Variants in AASS observed in about 807,000 individuals in gnomAD.
AASS encodes the protein alpha-aminoadipic semialdehyde synthase, mitochondrial.
A neutral mutation model predicts 105.4 loss-of-function variants in AASS; 86 were observed. That is an observed-to-expected ratio of 0.82 (90% CI 0.69 to 0.98). AASS has a LOEUF of 0.98. Ranked by LOEUF, AASS falls within the 50% of genes least tolerant of loss-of-function variation. The pLI, the probability that AASS is intolerant of heterozygous loss-of-function variation, is 0.00. For missense variants in AASS, 1,048 were observed against 1,143.2 expected, an observed-to-expected ratio of 0.92 and a Z score of 1.20; for synonymous variants, 381 against 394.8, an observed-to-expected ratio of 0.96 and a Z score of 0.41.
intron 23 of AASS, 35 bp from the exon 24 acceptor site, chr7:122,076,642 A>G (rs1477145879): frequency 4.2e-6 from 6 of 1,444,772 alleles, no homozygotes; most frequent in Non-Finnish European, 4.9e-6. Context: ...ACCATTTCAA[A>G]GGTTGTGTCA....
intron 11 of AASS, among the ~76,000 whole-genome samples, chr7:122,107,559 T>C (rs1794722984): frequency 6.6e-6 from 1 of 152,180 alleles, no homozygotes. Flanking sequence ...CATGGAATAC[T>C]ATGAAGCCAT....
At position 122,075,081 on chromosome 7, in the gene AASS, T is replaced by C. The variant is rs1792939407; in HGVS notation, c.*1408A>G. Among the ~76,000 whole-genome samples, 1 of 152,178 alleles carries C rather than the reference T, an allele frequency of 6.6e-6. No individual in the cohort carries two copies. The highest frequency in any genetic ancestry group is 1.5e-5 in the Non-Finnish European group (1 of 68,034). On this transcript the variant is annotated 3_prime_UTR_variant, in exon 24 of 24. Coordinates refer to ENST00000417368, the MANE Select transcript of AASS (RefSeq NM_005763.4). ...TGTTTTTGTAGAGATGGGATCTCAC[T>C]GTTTCCCAGGCTGGTCTCCTGGCCT...
intron 1 of AASS, among the ~76,000 whole-genome samples, chr7:122,135,782 T>C (rs1193356018): frequency 6.6e-6 from 1 of 152,086 alleles, no homozygotes; most frequent in African/African-American, 2.4e-5. Flanking sequence ...TAGAATACGG[T>C]GGAAATAATA....
rs755934374 is a variant in AASS at position 122,113,676 on chromosome 7, A to G, written c.1088T>C (p.Ile363Thr). The G allele has an allele frequency of 6.2e-7, 1 of 1,613,682 alleles. No individual in the cohort carries two copies. Among genetic ancestry groups the G allele is most frequent in the Non-Finnish European group, 8.5e-7 (1 of 1,179,882 alleles). ...TGTTGTACACTCAGTCATAAACTCT[A>G]TAGACCCTCCTGTGTCAGCTGAAAT... Reference protein sequence around the residue: ...CDISADTGGSIEFMTECTTIE... With the variant: ...CDISADTGGSTEFMTECTTIE... Residue 363 changes from isoleucine (I) to threonine (T), a missense_variant, in exon 10 of 24, where the codon ATA becomes ACA. Physicochemically the swap from Ile to Thr is moderately conservative, Grantham distance 89. Coordinates refer to ENST00000417368, the MANE Select transcript of AASS (RefSeq NM_005763.4).
chr7:122,113,498 T>C, intron 10 of AASS, 100 bp downstream of exon 10: 1 of 1,496,548 alleles, frequency 6.7e-7, no homozygotes, highest in Non-Finnish European at 9.2e-7. Context: ...TCTCTCCAAA[T>C]TTTCATAACT....
chr7:122,086,115 C>A lies in AASS; in HGVS notation c.2081G>T (p.Gly694Val), dbSNP rs769432627. 3 of 1,613,454 alleles carry A rather than the reference C, an allele frequency of 1.9e-6. No homozygotes were observed. The highest frequency in any genetic ancestry group is 3.3e-5 in the Admixed American group (2 of 59,854). Residue 694 changes from glycine to valine, a missense_variant, in exon 19 of 24, where the codon GGA (glycine) becomes GTA (valine). Coordinates refer to ENST00000417368, the MANE Select transcript of AASS (RefSeq NM_005763.4). ...GTTAGGATAGCCTTCCAAATTTAAT[C>A]CTGGAAAAAAATCCATGGACGTAAC... ...DAVTSMDFFPGLNLEGYPNRD... is the reference protein window; with the variant it reads ...DAVTSMDFFPVLNLEGYPNRD...
At chr7:122,141,260 A>T (rs1249925907) in intron 1 of AASS, among the ~76,000 whole-genome samples, 1 of 152,218 alleles carries the variant, frequency 6.6e-6, no homozygotes, top group Non-Finnish European at 1.5e-5. Flanking sequence ...AGTGTTAACT[A>T]ATCTGGTCTG....
chr7:122,110,668 T>C (rs190181607), intron 11 of AASS, among the ~76,000 whole-genome samples: 2 of 151,958 alleles, frequency 1.3e-5, no homozygotes, highest in East Asian at 3.9e-4. Context: ...AAAGACCTTA[T>C]AATAAAATAA....
At chr7:122,123,665 C>A (rs1258888501) in intron 4 of AASS, among the ~76,000 whole-genome samples, 7 of 152,174 alleles carry the variant, frequency 4.6e-5, no homozygotes, top group Admixed American at 1.3e-4. Flanking sequence ...TACTTCCTTT[C>A]TCCCCTTTCC....
intron 11 of AASS, among the ~76,000 whole-genome samples, chr7:122,111,057 T>G (rs1325903879): frequency 2.0e-5 from 3 of 152,100 alleles, no homozygotes; most frequent in Non-Finnish European, 1.5e-5. Flanking sequence ...AATCCAGAAT[T>G]ATTCAGTCTA....
At chr7:122,127,107 C>T (rs1372018600) in intron 3 of AASS, among the ~76,000 whole-genome samples, 1 of 152,036 alleles carries the variant, frequency 6.6e-6, no homozygotes, top group African/African-American at 2.4e-5. Context: ...GGTAACCTTC[C>T]TATTAAAAGT....
At chr7:122,112,174 GA>G (rs937339844) in intron 11 of AASS, among the ~76,000 whole-genome samples, 1 of 152,168 alleles carries the variant, frequency 6.6e-6, no homozygotes. Context: ...TGGATTTAAT[GA>G]TGGTAAAATG....
chr7:122,119,088 G>A (rs958391394), intron 4 of AASS, among the ~76,000 whole-genome samples: 1 of 152,088 alleles, frequency 6.6e-6, no homozygotes, highest in Non-Finnish European at 1.5e-5. Context: ...CATCTATTTA[G>A]TGACCTAAAT....
Position 122,093,139 on chromosome 7 carries a change from G to A in AASS, c.1675C>T (p.His559Tyr), listed in dbSNP as rs371752540. Residue 559 changes from histidine (H) to tyrosine (Y), a missense_variant, in exon 16 of 24, where the codon CAC becomes TAC. Transcript: ENST00000417368. ...LVISLLPYVL[H>Y]PLVAKACITN... ...ATGCAGGCCTTGGCCACAAGAGGGT[G>A]CAATACATAAGGCAACAAGCTTGAA... is the stretch of plus-strand genomic sequence containing the variant. The A allele has an allele frequency of 1.2e-5, 20 of 1,613,588 alleles. No individual in the cohort carries two copies. Among genetic ancestry groups the A allele is most frequent in the South Asian group, 3.3e-5 (3 of 91,084 alleles).
At chr7:122,119,999 G>A (rs1485349245) in intron 4 of AASS, among the ~76,000 whole-genome samples, 4 of 152,178 alleles carry the variant, frequency 2.6e-5, no homozygotes, top group African/African-American at 7.2e-5. Context: ...TCAAACTCGT[G>A]TTGTTCAAGG....
intron 10 of AASS, 49 bp downstream of exon 10, chr7:122,113,549 T>A: frequency 6.2e-7 from 1 of 1,603,674 alleles, no homozygotes; most frequent in Non-Finnish European, 8.5e-7. Flanking sequence ...GAGTAGTATA[T>A]CAATGTAACT....
intron 4 of AASS, among the ~76,000 whole-genome samples, chr7:122,125,904 C>T (rs558585730): frequency 7.8e-4 from 119 of 152,218 alleles, no homozygotes; most frequent in African/African-American, 2.4e-3. Context: ...CAAATAGTAC[C>T]GAAGTCATGA....
intron 1 of AASS, 80 bp downstream of exon 1, chr7:122,144,081 C>G (rs375226341): frequency 2.0e-5 from 3 of 152,270 alleles, no homozygotes; most frequent in African/African-American, 7.2e-5. Flanking sequence ...GAGCCCGGCC[C>G]GCTATCTCCA....
chr7:122,128,683 A>T (rs901151709), intron 3 of AASS, among the ~76,000 whole-genome samples: 1 of 152,204 alleles, frequency 6.6e-6, no homozygotes, highest in African/African-American at 2.4e-5. Context: ...CACTGAATAG[A>T]TATTTGTTAA....
Sources: gnomAD v4.1 joint callset for allele counts (sites outside exome capture counted in the v4.1 genomes callset) on GRCh38, gnomAD v4.1.1 for gene constraint, MANE v1.5 for transcripts, NCBI Gene and HGNC (gene_info 2026-07-23, HGNC 2026-07-21) for gene names.